CFAP52: variants seen among roughly 807,000 people sequenced by gnomAD.
CFAP52 encodes the protein cilia and flagella associated protein 52.
Under a neutral mutation model 70.5 loss-of-function variants are expected in CFAP52, and 57 were observed. The observed-to-expected ratio is 0.81, with a 90% CI of 0.65 to 1.01. CFAP52 has a LOEUF of 1.01. Among genes scored for constraint, CFAP52 ranks in the 50% least tolerant of loss-of-function variants. The pLI, the probability that CFAP52 is intolerant of heterozygous loss-of-function variation, is 0.00. For synonymous variants in CFAP52, 267 were observed against 292.5 expected, an observed-to-expected ratio of 0.91 and a Z score of 0.89; for missense variants, 785 against 788.5, an observed-to-expected ratio of 1.00 and a Z score of 0.05.
intron 7 of CFAP52, chr17:9,610,261 C>A (rs1217011007): frequency 6.6e-6 from 1 of 152,170 alleles, no homozygotes; most frequent in Non-Finnish European, 1.5e-5. Context: ...AGTAAATTAA[C>A]CTTCTAATTT....
At chr17:9,645,492 G>A, downstream of CFAP52, 2 of 834,596 alleles carry the variant, frequency 2.4e-6, no homozygotes, top group East Asian at 5.2e-5. This position sits in a 1 kb window ranked among gnomAD's most constrained non-coding sequence, Gnocchi z 6.8. Flanking sequence ...CCCCGCCCTT[G>A]GCTCCGCCTC....
chr17:9,605,943 A>T (rs1909472954), intron 6 of CFAP52, among the ~76,000 whole-genome samples: 1 of 152,154 alleles, frequency 6.6e-6, no homozygotes, highest in Non-Finnish European at 1.5e-5. Flanking sequence ...ATTAGCTGTC[A>T]TACATCTACT....
At position 9,638,653 on chromosome 17, in the gene CFAP52, AGT is replaced by A. The variant is rs774843109; in HGVS notation, c.1525_1526del (p.Cys509LeufsTer4). 6.2e-7 allele frequency: 1 copy of A among 1,614,070 alleles called. No homozygotes were observed. The highest frequency in any genetic ancestry group is 1.3e-5 in the African/African-American group (1 of 74,934). ...ATGATACTAGCCAACACCTTATTCCAGTGTGTGTGCTATCACCCTGAGGAGTT... is the reference window on the plus strand; with the variant it reads ...ATGATACTAGCCAACACCTTATTCCAGTGTGTGCTATCACCCTGAGGAGTT... On this transcript the variant is annotated frameshift_variant, in exon 12 of 14. Coordinates refer to ENST00000352665, the MANE Select transcript of CFAP52 (RefSeq NM_145054.5). LOFTEE classifies it high-confidence loss of function.
At chr17:9,608,641 T>C (rs1281474341) in intron 7 of CFAP52, among the ~76,000 whole-genome samples, 1 of 152,210 alleles carries the variant, frequency 6.6e-6, no homozygotes, top group Non-Finnish European at 1.5e-5. Flanking sequence ...TGCATTTGAA[T>C]ACAATTTATA....
At chr17:9,645,538 G>C (rs963786192), downstream of CFAP52, 38 of 1,102,790 alleles carry the variant, frequency 3.4e-5, no homozygotes, top group South Asian at 4.1e-4. The surrounding 1 kb of genome is among the most constrained non-coding windows in gnomAD (Gnocchi z 6.8). Flanking sequence ...GCAGGTAGCC[G>C]GCACCAGGAG....
In CFAP52 at chr17:9,600,193, G is replaced by A. The variant is rs781483659; in HGVS notation, c.753+10G>A. ...GGACAAATTCAGTTTGGTGAGTAGA[G>A]ACCATCGCCACTGCCCTGCCATTTT... On this transcript the variant is annotated intron_variant, in intron 6 of 13. Coordinates refer to ENST00000352665, the MANE Select transcript of CFAP52 (RefSeq NM_145054.5). 6.2e-7 allele frequency: 1 copy of A among 1,609,752 alleles called. No homozygotes were observed. The highest frequency in any genetic ancestry group is 8.5e-7 in the Non-Finnish European group (1 of 1,176,366).
At chr17:9,636,439 T>C (rs1430324528) in intron 11 of CFAP52, among the ~76,000 whole-genome samples, 1 of 152,146 alleles carries the variant, frequency 6.6e-6, no homozygotes, top group Non-Finnish European at 1.5e-5. Context: ...AATGACTAAC[T>C]TCAAACTAAC....
At chr17:9,638,466 C>G (rs994485030) in intron 11 of CFAP52, 143 bp from the exon 12 acceptor site, 17 of 683,354 alleles carry the variant, frequency 2.5e-5, no homozygotes, top group African/African-American at 5.4e-5. Flanking sequence ...AATACAAGCA[C>G]CACTTTGCTG....
rs1910733700 is a variant in CFAP52, at chr17:9,635,500, C to A, written c.1416C>A (p.Asn472Lys). 1 of 1,614,166 alleles carries A rather than the reference C, an allele frequency of 6.2e-7. No individual in the cohort carries two copies. The highest frequency in any genetic ancestry group is 8.5e-7 in the Non-Finnish European group (1 of 1,180,042). ...SSVSCIRVKRNNEECVTASTD... is the reference protein window; with the variant it reads ...SSVSCIRVKRKNEECVTASTD... ...TGTCCTGCATTAGGGTGAAGAGGAA[C>A]AACGAGGAGTGTGTCACCGCCAGCA... Residue 472 changes from asparagine to lysine, a missense_variant, in exon 11 of 14, where the codon AAC becomes AAA. Coordinates refer to ENST00000352665, the MANE Select transcript of CFAP52 (RefSeq NM_145054.5).
intron 9 of CFAP52, among the ~76,000 whole-genome samples, chr17:9,632,253 T>G (rs567247995): frequency 2.3e-3 from 345 of 148,900 alleles, no homozygotes; most frequent in African/African-American, 8.5e-3. Flanking sequence ...AGTTTTTTTT[T>G]GTTTTTTTTT....
chr17:9,596,706 TTG>T (rs901998115), intron 4 of CFAP52, among the ~76,000 whole-genome samples: 1 of 151,108 alleles, frequency 6.6e-6, no homozygotes, highest in African/African-American at 2.4e-5. Context: ...CTCATGGTTG[TTG>T]TGTGTGTGTG....
At chr17:9,604,802 T>A (rs200721846) in intron 6 of CFAP52, among the ~76,000 whole-genome samples, 3 of 130,184 alleles carry the variant, frequency 2.3e-5, no homozygotes, top group Admixed American at 8.0e-5. Flanking sequence ...AATAAATAAA[T>A]AAAAGAAGAT....
chr17:9,631,016 A>AGAGAGAGAGAGAG (rs1567634774), intron 9 of CFAP52, among the ~76,000 whole-genome samples: 3 of 51,164 alleles, frequency 5.9e-5, no homozygotes, highest in African/African-American at 4.0e-4. Context: ...GAAAGAAAGA[A>AGAGAGAGAGAGAG]AGAAAGAAAG....
chr17:9,629,522 TTC>T (rs1910370819), intron 9 of CFAP52, among the ~76,000 whole-genome samples: 1 of 151,602 alleles, frequency 6.6e-6, no homozygotes, highest in Non-Finnish European at 1.5e-5. Context: ...TCTTTCTTCT[TTC>T]TTTTTTCTTC....
At chr17:9,579,424 A>G (rs1462814967) in intron 1 of CFAP52, among the ~76,000 whole-genome samples, 1 of 152,214 alleles carries the variant, frequency 6.6e-6, no homozygotes, top group Admixed American at 6.5e-5. Context: ...AGGATAACAC[A>G]GGAAAGAGAA....
At chr17:9,603,401 G>A (rs900860586) in intron 6 of CFAP52, among the ~76,000 whole-genome samples, 5 of 152,082 alleles carry the variant, frequency 3.3e-5, no homozygotes, top group Non-Finnish European at 5.9e-5. Context: ...AGTAGAGACG[G>A]GGTTTCACCG....
chr17:9,609,443 C>A (rs771216537), intron 7 of CFAP52, among the ~76,000 whole-genome samples: 3 of 152,146 alleles, frequency 2.0e-5, no homozygotes, highest in Non-Finnish European at 2.9e-5. Flanking sequence ...GCCTGCAATC[C>A]CAGCTCTTTG....
chr17:9,641,968 C>A, intron 13 of CFAP52, 133 bp downstream of exon 13: 1 of 635,140 alleles, frequency 1.6e-6, no homozygotes, highest in Non-Finnish European at 2.7e-6. Flanking sequence ...CAGATTCCAA[C>A]CAATACTGCA....
At position 9,603,247 on chromosome 17, in the gene CFAP52, C is replaced by T. The variant is rs146594945; in HGVS notation, c.753+3064C>T. ...TTTTTGATACAGAGTCTCGCTCTGT[C>T]GCCCAGGCTGGAGTGCAGTGGCACT... On this transcript the variant is annotated intron_variant, in intron 6 of 13. Coordinates refer to ENST00000352665, the MANE Select transcript of CFAP52 (RefSeq NM_145054.5). Among the ~76,000 whole-genome samples the T allele has an allele frequency of 3.4e-3, 512 of 152,286 alleles. 2 individuals carry two copies. Among genetic ancestry groups the T allele is most frequent in the African/African-American group, 0.012 (492 of 41,564 alleles).
Sources: gnomAD v4.1 joint callset for allele counts (sites outside exome capture counted in the v4.1 genomes callset) on GRCh38, gnomAD v4.1.1 for gene constraint, Gnocchi (gnomAD v3.1) non-coding constraint, MANE v1.5 for transcripts, NCBI Gene and HGNC (gene_info 2026-07-23, HGNC 2026-07-21) for gene names.